CCDC25: variants seen among roughly 807,000 people sequenced by gnomAD.
CCDC25 encodes coiled-coil domain-containing protein 25.
A neutral mutation model predicts 35.3 loss-of-function variants in CCDC25; 16 were observed. The observed-to-expected ratio is 0.45, with a 90% confidence interval of 0.31 to 0.69. The LOEUF (loss-of-function observed/expected upper bound fraction) is 0.69, where lower values mean the gene tolerates loss of function less well. CCDC25 is among the 30% of genes least tolerant of loss of function. The pLI, the probability that CCDC25 is intolerant of heterozygous loss-of-function variation, is 0.06. For synonymous variants in CCDC25, 79 were observed against 80.3 expected (o/e 0.98, Z 0.09); for missense variants, 179 against 250.7 (o/e 0.71, Z 1.93).
chr8:27,736,153 C>T lies in CCDC25; in HGVS notation c.*63G>A. 1 of 1,528,220 alleles carries T rather than the reference C, an allele frequency of 6.5e-7. No homozygotes were observed. The highest frequency in any genetic ancestry group is 2.3e-5 in the East Asian group (1 of 43,798). 94.7% of individuals were successfully genotyped at this position (1,528,220 alleles called of 1,614,324 possible). A position where few individuals can be genotyped will look rare whatever the true frequency, so the allele number is the denominator to read the frequency against. Reference sequence around the variant, plus strand: ...TTATATTTCAGAACACAGATGAAACCAAAAGGTCTGCAATTGTCTCTACAT... The same window carrying T: ...TTATATTTCAGAACACAGATGAAACTAAAAGGTCTGCAATTGTCTCTACAT... On this transcript the variant is annotated 3_prime_UTR_variant, in exon 9 of 9. Coordinates refer to ENST00000356537, the MANE Select transcript of CCDC25 (RefSeq NM_018246.3).
chr8:27,755,761 G>A (rs533130461), intron 4 of CCDC25, among the ~76,000 whole-genome samples: 7 of 152,184 alleles, frequency 4.6e-5, no homozygotes, highest in South Asian at 2.1e-4. Context: ...CCCATAACCC[G>A]TCTAGTCACG....
In CCDC25 at chr8:27,748,563, G is replaced by A; in HGVS notation, c.280C>T (p.Pro94Ser). 1 of 1,613,720 alleles carries A rather than the reference G, an allele frequency of 6.2e-7. No individual in the cohort carries two copies. Among genetic ancestry groups the A allele is most frequent in the Non-Finnish European group, 8.5e-7 (1 of 1,179,920 alleles). ...KMNNVNVVYTPWSNLKKTADM... is the reference protein window; with the variant it reads ...KMNNVNVVYTSWSNLKKTADM... ...GCTGTTTTCTTCAGGTTAGACCACGGCGTATATACCACATTAACGTTGTTC... is the reference window on the plus strand; with the variant it reads ...GCTGTTTTCTTCAGGTTAGACCACGACGTATATACCACATTAACGTTGTTC... The change falls in exon 6 of 9, where the codon CCG (proline) becomes TCG (serine). Residue 94 changes from proline to serine, a missense_variant. Physicochemically the swap from Pro to Ser is moderately conservative, Grantham distance 74. Coordinates refer to ENST00000356537, the MANE Select transcript of CCDC25 (RefSeq NM_018246.3).
At chr8:27,739,787 C>T (rs1241580306) in intron 8 of CCDC25, among the ~76,000 whole-genome samples, 1 of 152,162 alleles carries the variant, frequency 6.6e-6, no homozygotes, top group Non-Finnish European at 1.5e-5. Flanking sequence ...ATCCCAAATA[C>T]ATCCACCCAG....
chr8:27,769,604 T>G (rs1418044075), intron 1 of CCDC25, among the ~76,000 whole-genome samples: 1 of 152,166 alleles, frequency 6.6e-6, no homozygotes, highest in Non-Finnish European at 1.5e-5. Flanking sequence ...TGGTTTTGAA[T>G]TTTGTTTCTA....
At chr8:27,755,887 T>C (rs1168235940) in intron 4 of CCDC25, among the ~76,000 whole-genome samples, 2 of 152,174 alleles carry the variant, frequency 1.3e-5, no homozygotes, top group African/African-American at 4.8e-5. Context: ...TGTGATAGAC[T>C]AGAGGAGACT....
chr8:27,762,531 G>C, intron 2 of CCDC25, 73 bp from the exon 3 acceptor site: 2 of 1,397,764 alleles, frequency 1.4e-6, no homozygotes, highest in Non-Finnish European at 2.0e-6. Flanking sequence ...ATAAGAATGG[G>C]AGAAATGTCA....
intron 3 of CCDC25, among the ~76,000 whole-genome samples, chr8:27,760,707 A>T (rs927204643): frequency 1.3e-5 from 2 of 152,236 alleles, no homozygotes; most frequent in Non-Finnish European, 2.9e-5. Flanking sequence ...GGATGTTTTC[A>T]GCATTGCACA....
rs1006292540 is a variant in CCDC25, at chr8:27,733,530, T to C, written c.*2686A>G. ...TCTGGCAGCAGCAGTGCTGTCCTTGTTTCTGAGCTGCCACCTATTCACTGG... is the reference window on the plus strand; with the variant it reads ...TCTGGCAGCAGCAGTGCTGTCCTTGCTTCTGAGCTGCCACCTATTCACTGG... On this transcript the variant is annotated 3_prime_UTR_variant, in exon 9 of 9. Transcript: ENST00000356537. 2.6e-5 allele frequency: 4 copies of C among 152,194 alleles called. No homozygotes were observed. The highest frequency in any genetic ancestry group is 7.2e-5 in the African/African-American group (3 of 41,444). 9.4% of individuals were successfully genotyped at this position (152,194 alleles called of 1,614,324 possible). A position where few individuals can be genotyped will look rare whatever the true frequency, so the allele number is the denominator to read the frequency against.
At chr8:27,742,857 A>C (rs1400746767) in intron 7 of CCDC25, among the ~76,000 whole-genome samples, 1 of 152,168 alleles carries the variant, frequency 6.6e-6, no homozygotes, top group Non-Finnish European at 1.5e-5. Context: ...ACAGAGTGAG[A>C]CTCAGTCTCA....
intron 7 of CCDC25, among the ~76,000 whole-genome samples, chr8:27,746,000 A>G (rs1325349423): frequency 6.6e-6 from 1 of 152,250 alleles, no homozygotes; most frequent in African/African-American, 2.4e-5. Flanking sequence ...CACTATGGAA[A>G]AAAGCCCAGA....
At chr8:27,772,359 G>A (rs554456756) in intron 1 of CCDC25, among the ~76,000 whole-genome samples, 154 bp downstream of exon 1, 45 of 152,362 alleles carry the variant, frequency 3.0e-4, no homozygotes, top group African/African-American at 1.1e-3. Flanking sequence ...GCCGTGGGAG[G>A]GACGGATGTG....
intron 1 of CCDC25, among the ~76,000 whole-genome samples, chr8:27,771,362 C>T (rs531761754): frequency 1.3e-5 from 2 of 152,262 alleles, no homozygotes; most frequent in South Asian, 4.1e-4. Flanking sequence ...GTATTCTTGT[C>T]ATTAAGGGAC....
chr8:27,747,878 G>T, intron 7 of CCDC25, 199 bp downstream of exon 7: 1 of 587,104 alleles, frequency 1.7e-6, no homozygotes, highest in Non-Finnish European at 3.0e-6. Flanking sequence ...ATATCCTGCT[G>T]CCATAAACAA....
rs950411931 is a variant in CCDC25 at position 27,772,602 on chromosome 8, G to C, written c.-62C>G. On this transcript the variant is annotated 5_prime_UTR_variant, in exon 1 of 9. Transcript: ENST00000356537. ...AGCAGCGCTCAACTCACGAAGCTCA[G>C]GATACCAGACTCGCGGCGGCCGCCT... 1 of 1,513,770 alleles carries C rather than the reference G, an allele frequency of 6.6e-7. No individual in the cohort carries two copies. 93.8% of individuals were successfully genotyped at this position (1,513,770 alleles called of 1,614,324 possible).
chr8:27,747,930 T>A (rs2294028), intron 7 of CCDC25, 147 bp downstream of exon 7: 296,057 of 708,832 alleles, frequency 0.42, 63,839 homozygotes, highest in East Asian at 0.63. Context: ...TGCCTTTTTT[T>A]AAAAAACTGA....
chr8:27,769,596 G>C (rs1165616548), intron 1 of CCDC25, among the ~76,000 whole-genome samples: 1 of 152,144 alleles, frequency 6.6e-6, no homozygotes, highest in Non-Finnish European at 1.5e-5. Context: ...TTTCAGGCTG[G>C]TTTTGAATTT....
intron 7 of CCDC25, among the ~76,000 whole-genome samples, chr8:27,746,053 C>T (rs1803591887): frequency 1.3e-5 from 2 of 152,114 alleles, no homozygotes; most frequent in East Asian, 3.8e-4. Flanking sequence ...TGTTTAAATG[C>T]TTGTAATTTT....
chr8:27,768,194 T>C (rs1459345840), intron 1 of CCDC25, among the ~76,000 whole-genome samples: 3 of 148,618 alleles, frequency 2.0e-5, no homozygotes, highest in African/African-American at 5.0e-5. Context: ...TCAAAAAAAA[T>C]TGGGGGACTC....
rs1308964694 is a variant in CCDC25 at position 27,748,479 on chromosome 8, G to A, written c.348+16C>T. The A allele has an allele frequency of 1.3e-6, 2 of 1,594,064 alleles. No homozygotes were observed. Among genetic ancestry groups the A allele is most frequent in the African/African-American group, 2.7e-5 (2 of 74,492 alleles). On this transcript the variant is annotated intron_variant, in intron 6 of 8. Coordinates refer to ENST00000356537, the MANE Select transcript of CCDC25 (RefSeq NM_018246.3). ...GTATCAGGGCTCCGCCTCCTTCAGT[G>A]GCACAAAACACTTACATCCTTCTGC...
Sources: gnomAD v4.1 joint callset for allele counts (sites outside exome capture counted in the v4.1 genomes callset) on GRCh38, gnomAD v4.1.1 for gene constraint, MANE v1.5 for transcripts, NCBI Gene and HGNC (gene_info 2026-07-23, HGNC 2026-07-21) for gene names.